The following CACNA1H variants were observed in gnomAD, a reference collection of about 807,000 sequenced individuals.
CACNA1H encodes the protein voltage-dependent T-type calcium channel subunit alpha-1H.
Under a neutral mutation model 192.5 loss-of-function variants are expected in CACNA1H, and 149 were observed. That is an observed-to-expected ratio of 0.77 (90% CI 0.68 to 0.89). CACNA1H has a LOEUF of 0.89. Among genes scored for constraint, CACNA1H ranks in the 40% least tolerant of loss-of-function variants. The pLI is 0.00. For synonymous variants in CACNA1H, 2,202 were observed against 1,475.2 expected, an observed-to-expected ratio of 1.49 and a Z score of -11.29; for missense variants, 4,257 against 3,423.5, an observed-to-expected ratio of 1.24 and a Z score of -6.08.
intron 2 of CACNA1H, among the ~76,000 whole-genome samples, chr16:1,171,509 G>T (rs1020694750): frequency 6.6e-6 from 1 of 152,228 alleles, no homozygotes; most frequent in African/African-American, 2.4e-5. Context: ...GGAAACAAAG[G>T]TCGAATGGAG....
intron 2 of CACNA1H, among the ~76,000 whole-genome samples, chr16:1,165,898 G>A (rs1388229119): frequency 6.6e-6 from 1 of 152,182 alleles, no homozygotes; most frequent in African/African-American, 2.4e-5. Flanking sequence ...GCCCCTGCTT[G>A]GGTGGTGTGT....
At chr16:1,213,293 T>A (rs1969673617) in intron 26 of CACNA1H, among the ~76,000 whole-genome samples, 1 of 152,168 alleles carries the variant, frequency 6.6e-6, no homozygotes, top group African/African-American at 2.4e-5. Flanking sequence ...GGGGCTGCCC[T>A]GCCCAGCCCT....
intron 2 of CACNA1H, among the ~76,000 whole-genome samples, chr16:1,165,979 C>T (rs1055495552): frequency 2.0e-5 from 3 of 151,490 alleles, no homozygotes; most frequent in Non-Finnish European, 4.4e-5. Context: ...ATTGTGGTGG[C>T]TCTTTCTGGG....
At chr16:1,178,646 C>T (rs1965157194) in intron 2 of CACNA1H, among the ~76,000 whole-genome samples, 1 of 152,184 alleles carries the variant, frequency 6.6e-6, no homozygotes, top group African/African-American at 2.4e-5. Context: ...CGCCGCCATC[C>T]AGCAGACCAG....
intron 30 of CACNA1H, 122 bp from the exon 31 acceptor site, chr16:1,216,810 C>T (rs553815067): frequency 1.1e-5 from 9 of 831,660 alleles, no homozygotes; most frequent in Admixed American, 4.0e-5. Flanking sequence ...TGGCCGGGCC[C>T]GGAGCACCTG....
chr16:1,202,467 C>A lies in CACNA1H; in HGVS notation c.2002+15C>A. 1 of 1,470,344 alleles carries A rather than the reference C, an allele frequency of 6.8e-7. No individual in the cohort carries two copies. Among genetic ancestry groups the A allele is most frequent in the Non-Finnish European group, 9.0e-7 (1 of 1,107,854 alleles). The allele number at this position is 1,470,344 out of a possible 1,614,324, so 91.1% of individuals were successfully genotyped here. ...CGGGGAGCATGGTGAGGACCCAGCC[C>A]CACCCCACGGAGGAGGCGGTGGGAC... On this transcript the variant is annotated intron_variant, in intron 9 of 34. Coordinates refer to ENST00000348261, the MANE Select transcript of CACNA1H (RefSeq NM_021098.3).
At chr16:1,208,937 T>G in intron 16 of CACNA1H, 95 bp from the exon 17 acceptor site, 1 of 1,259,404 alleles carries the variant, frequency 7.9e-7, no homozygotes, top group Non-Finnish European at 1.0e-6. Context: ...CATTAAATGA[T>G]CCACGTGTGG....
chr16:1,202,306 C>T lies in CACNA1H; in HGVS notation c.1856C>T (p.Ser619Leu), dbSNP rs1272295205. Reference sequence around the variant, plus strand: ...ATGAACTACCCCACGATCCTGCCCTCAGGGGTGGGCAGCGGCAAAGGCAGC... The same window carrying T: ...ATGAACTACCCCACGATCCTGCCCTTAGGGGTGGGCAGCGGCAAAGGCAGC... ...GTMNYPTILPSGVGSGKGSTS... is the reference protein window; with the variant it reads ...GTMNYPTILPLGVGSGKGSTS... The change falls in exon 9 of 35, where the codon TCA becomes TTA. Residue 619 changes from serine to leucine, a missense_variant. Coordinates refer to ENST00000348261, the MANE Select transcript of CACNA1H (RefSeq NM_021098.3). 6.3e-7 allele frequency: 1 copy of T among 1,584,236 alleles called. No individual in the cohort carries two copies. The highest frequency in any genetic ancestry group is 8.6e-7 in the Non-Finnish European group (1 of 1,167,500).
chr16:1,154,202 A>G (rs1653983678), intron 2 of CACNA1H, among the ~76,000 whole-genome samples, 166 bp downstream of exon 2: 1 of 151,382 alleles, frequency 6.6e-6, no homozygotes, highest in South Asian at 2.1e-4. Flanking sequence ...ACCGCGCTCT[A>G]ATTTCTGAGA....
chr16:1,196,527 C>T (rs1378976522), intron 5 of CACNA1H, among the ~76,000 whole-genome samples: 1 of 152,236 alleles, frequency 6.6e-6, no homozygotes, highest in Non-Finnish European at 1.5e-5. Flanking sequence ...GCCACTGCTT[C>T]TGGCCCCTAC....
At chr16:1,183,573 G>A (rs1366075691) in intron 2 of CACNA1H, among the ~76,000 whole-genome samples, 2 of 152,222 alleles carry the variant, frequency 1.3e-5, no homozygotes, top group Non-Finnish European at 2.9e-5. Flanking sequence ...CTCCCGCTAA[G>A]AGGCCCCGCT....
intron 15 of CACNA1H, 57 bp downstream of exon 15, chr16:1,207,917 C>A: frequency 6.5e-7 from 1 of 1,542,828 alleles, no homozygotes; most frequent in Non-Finnish European, 8.8e-7. Context: ...CTGGGCTGGC[C>A]GGGCAGGGCC....
chr16:1,192,865 ATG>A lies in CACNA1H; in HGVS notation c.300-2098_300-2097del, dbSNP rs903234272. ...GGAAATTGCCTGCTTTGGTAGTGGA[ATG>A]TGTGTGTGCTGGTTGGGAGCCGGCC... is the stretch of plus-strand genomic sequence containing the variant. On this transcript the variant is annotated intron_variant, in intron 2 of 34. Transcript: ENST00000348261. Among the ~76,000 whole-genome samples, 33 of 152,034 alleles carry A rather than the reference ATG, an allele frequency of 2.2e-4. No individual in the cohort carries two copies. The East Asian group carries it at 6.4e-3, about 29-fold the overall frequency.
chr16:1,200,309 A>G lies in CACNA1H; in HGVS notation c.857A>G (p.Glu286Gly), dbSNP rs766363252. 1.2e-6 allele frequency: 2 copies of G among 1,606,526 alleles called. No individual in the cohort carries two copies. The highest frequency in any genetic ancestry group is 3.4e-5 in the Admixed American group (2 of 59,366). The change falls in exon 7 of 35, where the codon GAG becomes GGG. Residue 286 changes from glutamate to glycine, a missense_variant. Transcript: ENST00000348261. ...RPYYQTEEGEENPFICSSRRD... is the reference protein window; with the variant it reads ...RPYYQTEEGEGNPFICSSRRD... ...TACTACCAGACGGAGGAGGGCGAGG[A>G]GAACCCGTTCATCTGCTCCTCACGC... is the stretch of plus-strand genomic sequence containing the variant.
chr16:1,171,449 C>T (rs1430134850), intron 2 of CACNA1H, among the ~76,000 whole-genome samples: 9 of 152,226 alleles, frequency 5.9e-5, no homozygotes, highest in African/African-American at 1.4e-4. Context: ...GGGCTCTGAC[C>T]ACAGAGTCTG....
rs1406256818 is a variant in CACNA1H, at chr16:1,212,139, G to A, written c.4759+1G>A. On this transcript the variant is annotated splice_donor_variant, in intron 25 of 34. Coordinates refer to ENST00000348261, the MANE Select transcript of CACNA1H (RefSeq NM_021098.3). LOFTEE classifies it high-confidence loss of function. ...CGGCGCCTAGAGAGGAGGCGCAGGAGTAAGGCGCTCCCGGTGGCGGTGGCG... is the reference window on the plus strand; with the variant it reads ...CGGCGCCTAGAGAGGAGGCGCAGGAATAAGGCGCTCCCGGTGGCGGTGGCG... 2 of 1,602,814 alleles carry A rather than the reference G, an allele frequency of 1.2e-6. No homozygotes were observed. The highest frequency in any genetic ancestry group is 2.2e-5 in the East Asian group (1 of 44,830).
intron 3 of CACNA1H, 29 bp from the exon 4 acceptor site, chr16:1,195,403 A>T (rs1227640633): frequency 6.5e-7 from 1 of 1,550,118 alleles, no homozygotes; most frequent in East Asian, 2.4e-5. Flanking sequence ...GAGCTGTTCC[A>T]CGGGCCCTCC....
Position 1,220,043 on chromosome 16 carries a change from T to C in CACNA1H, c.6111T>C (p.Pro2037=). 7.0e-7 allele frequency: 1 copy of C among 1,423,024 alleles called. No individual in the cohort carries two copies. The highest frequency in any genetic ancestry group is 1.5e-5 in the African/African-American group (1 of 66,856). The allele number at this position is 1,423,024 out of a possible 1,614,324, so 88.1% of individuals were successfully genotyped here. Residue 2037 remains proline, a synonymous_variant, in exon 35 of 35, where the codon CCT becomes CCC. Transcript: ENST00000348261. Reference sequence around the variant, plus strand: ...ACAGCCCTAGGGACACCCTGGATCCTGCAGAGCCTGGTGAGAAAACCCCGG... The same window carrying C: ...ACAGCCCTAGGGACACCCTGGATCCCGCAGAGCCTGGTGAGAAAACCCCGG... ...KIDSPRDTLD[P]AEPGEKTPVR...
rs1966852668 is a variant in CACNA1H, at chr16:1,194,857, A to AC, written c.300-110dup. On this transcript the variant is annotated intron_variant, in intron 2 of 34. Transcript: ENST00000348261. ...CCGAGTCCCCCACCCCATCCTGGAC[A>AC]CCCCCACGCGCGCACACCCGTGGCG... 28 of 750,278 alleles carry AC rather than the reference A, an allele frequency of 3.7e-5. No homozygotes were observed. In the South Asian group the frequency reaches 3.9e-4, roughly 11 times the overall value. The allele number at this position is 750,278 out of a possible 1,614,324, so 46.5% of individuals were successfully genotyped here.
Sources: allele counts gnomAD v4.1 joint callset (sites outside exome capture counted in the v4.1 genomes callset), GRCh38; gene constraint gnomAD v4.1.1; transcripts MANE v1.5; gene names NCBI Gene and HGNC (gene_info 2026-07-23, HGNC 2026-07-21).